The following RARB variants were observed in gnomAD, a reference collection of about 807,000 sequenced individuals.
The protein encoded by RARB is retinoic acid receptor beta.
A neutral mutation model predicts 51.9 loss-of-function variants in RARB; 17 were observed. The ratio of observed to expected loss-of-function variants is 0.33; its 90% CI spans 0.22 to 0.49. The LOEUF (loss-of-function observed/expected upper bound fraction) is 0.49. Ranked by LOEUF, RARB falls within the 20% of genes least tolerant of loss-of-function variation. The probability of loss-of-function intolerance (pLI) is 0.99; values close to 1 mark genes in which losing one functional copy is unlikely to be tolerated. For synonymous variants in RARB, 215 were observed against 195.4 expected (o/e 1.10, Z -0.84); for missense variants, 369 against 550.8 (o/e 0.67, Z 3.30).
At chr3:25,204,108 C>G (rs1316435358) in intron 5 of RARB, among the ~76,000 whole-genome samples, 1 of 152,184 alleles carries the variant, frequency 6.6e-6, no homozygotes, top group African/African-American at 2.4e-5. Flanking sequence ...TCCCATATTT[C>G]TTGGAGGCTT....
intron 1 of RARB, among the ~76,000 whole-genome samples, chr3:25,433,597 T>C (rs559129099): frequency 1.5e-4 from 23 of 152,210 alleles, no homozygotes; most frequent in Non-Finnish European, 2.4e-4. Flanking sequence ...TCTTAAAAAG[T>C]TGGAGCTGGG....
chr3:25,539,328 C>T (rs907772288), intron 3 of RARB, among the ~76,000 whole-genome samples: 1 of 152,156 alleles, frequency 6.6e-6, no homozygotes, highest in African/African-American at 2.4e-5. Context: ...ACCTATTTAA[C>T]TCCTACCTGT....
intron 4 of RARB, among the ~76,000 whole-genome samples, chr3:25,152,902 T>C (rs2125342264): frequency 6.6e-6 from 1 of 152,298 alleles, no homozygotes; most frequent in Admixed American, 6.5e-5. Context: ...CAAGAAAATC[T>C]AAAACTTCGG....
intron 4 of RARB, among the ~76,000 whole-genome samples, chr3:25,143,441 T>A (rs1031510028): frequency 1.3e-5 from 2 of 152,180 alleles, no homozygotes; most frequent in African/African-American, 4.8e-5. Flanking sequence ...TGTTCAGATG[T>A]GGATTGAGGC....
At chr3:25,481,414 A>G (rs1864910) in intron 2 of RARB, among the ~76,000 whole-genome samples, 4,065 of 152,274 alleles carry the variant, frequency 0.027, 175 homozygotes, top group African/African-American at 0.092. Flanking sequence ...ATTTTTCTGC[A>G]TTTAAAAATT....
intron 2 of RARB, among the ~76,000 whole-genome samples, chr3:24,994,481 G>T (rs1179335643): frequency 6.6e-6 from 1 of 151,974 alleles, no homozygotes; most frequent in Non-Finnish European, 1.5e-5. Flanking sequence ...TTCCTTTGCT[G>T]TATAGAAGCT....
At chr3:25,224,662 C>T (rs1008546398) in intron 5 of RARB, among the ~76,000 whole-genome samples, 5 of 152,140 alleles carry the variant, frequency 3.3e-5, no homozygotes, top group African/African-American at 1.2e-4. Flanking sequence ...GGCTGGAGTG[C>T]AGTGGCATGA....
intron 2 of RARB, among the ~76,000 whole-genome samples, chr3:24,947,733 G>T (rs1002305045): frequency 6.6e-5 from 10 of 152,130 alleles, no homozygotes; most frequent in Admixed American, 5.2e-4. Context: ...TGCGAAGAAG[G>T]GAGGAACTCA....
At chr3:25,483,758 A>G (rs1696340796) in intron 2 of RARB, among the ~76,000 whole-genome samples, 1 of 152,186 alleles carries the variant, frequency 6.6e-6, no homozygotes, top group Non-Finnish European at 1.5e-5. Context: ...TTCATTCTCC[A>G]TGTTAGTTAA....
chr3:24,911,653 A>G (rs6763123), intron 2 of RARB, among the ~76,000 whole-genome samples: 2,573 of 152,300 alleles, frequency 0.017, 81 homozygotes, highest in African/African-American at 0.059. Context: ...AGAGGAATGT[A>G]TGAATGTGCC....
At chr3:25,312,582 A>G (rs1575303767) in intron 5 of RARB, among the ~76,000 whole-genome samples, 1 of 152,222 alleles carries the variant, frequency 6.6e-6, no homozygotes, top group South Asian at 2.1e-4. Flanking sequence ...GTGAGAGCTC[A>G]CTCTGGAGCA....
chr3:25,017,580 C>G (rs1469790376), intron 2 of RARB, among the ~76,000 whole-genome samples: 1 of 151,996 alleles, frequency 6.6e-6, no homozygotes, highest in Non-Finnish European at 1.5e-5. Flanking sequence ...GATCAAATAC[C>G]TTTGTGTTTA....
At chr3:25,036,038 G>C (rs994950199) in intron 2 of RARB, among the ~76,000 whole-genome samples, 11 of 152,146 alleles carry the variant, frequency 7.2e-5, no homozygotes, top group Non-Finnish European at 1.6e-4. Context: ...ATTTCATGTA[G>C]TTTAACCCAA....
intron 2 of RARB, among the ~76,000 whole-genome samples, chr3:24,869,939 A>C (rs1164923334): frequency 6.6e-6 from 1 of 152,004 alleles, no homozygotes; most frequent in Non-Finnish European, 1.5e-5. Flanking sequence ...ATTTTTCCGT[A>C]CTTAGTATGG....
At chr3:24,942,844 T>C (rs372194677) in intron 2 of RARB, among the ~76,000 whole-genome samples, 5 of 152,196 alleles carry the variant, frequency 3.3e-5, no homozygotes, top group East Asian at 3.8e-4. Flanking sequence ...ATTCATAAGA[T>C]TTCACAAAAT....
intron 2 of RARB, among the ~76,000 whole-genome samples, chr3:24,930,156 T>C (rs1404879960): frequency 1.3e-5 from 2 of 152,100 alleles, no homozygotes; most frequent in African/African-American, 4.8e-5. Flanking sequence ...AACAGGTCTA[T>C]TAAAACAGAA....
At chr3:25,494,414 T>G (rs1249194836) in intron 2 of RARB, among the ~76,000 whole-genome samples, 1 of 152,194 alleles carries the variant, frequency 6.6e-6, no homozygotes, top group Non-Finnish European at 1.5e-5. Context: ...CCACTAGAGC[T>G]GAGATCAAGT....
intron 5 of RARB, chr3:25,258,946 A>C (rs1263064997): frequency 1.4e-5 from 11 of 761,618 alleles, no homozygotes; most frequent in Non-Finnish European, 1.8e-5. Flanking sequence ...CTAACTTTCA[A>C]CACCACCACA....
intron 1 of RARB, among the ~76,000 whole-genome samples, chr3:25,459,155 C>T (rs1188794606): frequency 6.6e-6 from 1 of 152,124 alleles, no homozygotes; most frequent in Non-Finnish European, 1.5e-5. Context: ...AATAGTGAGA[C>T]AGAGTGACCA....
Sources: allele counts gnomAD v4.1 joint callset (sites outside exome capture counted in the v4.1 genomes callset), GRCh38; gene constraint gnomAD v4.1.1; transcripts MANE v1.5; gene names NCBI Gene and HGNC (gene_info 2026-07-23, HGNC 2026-07-21).